PPFIBP2: variants seen among roughly 807,000 people sequenced by gnomAD.
PPFIBP2 encodes liprin-beta-2.
PPFIBP2 carries 118 observed loss-of-function variants against 118.3 expected under a neutral mutation model. That is an observed-to-expected ratio of 1.00 (90% CI 0.86 to 1.16). PPFIBP2 has a LOEUF of 1.16. Ranked by LOEUF, PPFIBP2 falls within the 50% of genes most tolerant of loss-of-function variation. The pLI, the probability that PPFIBP2 is intolerant of heterozygous loss-of-function variation, is 0.00. For synonymous variants in PPFIBP2, 414 were observed against 397.4 expected, an observed-to-expected ratio of 1.04 and a Z score of -0.50; for missense variants, 1,195 against 1,073.1, an observed-to-expected ratio of 1.11 and a Z score of -1.59.
At chr11:7,648,938 A>G in intron 19 of PPFIBP2, 27 bp downstream of exon 19, 1 of 1,580,938 alleles carries the variant, frequency 6.3e-7, no homozygotes, top group Non-Finnish European at 8.7e-7. Flanking sequence ...ATGTATTAAG[A>G]ATGTCTCTGG....
intron 1 of PPFIBP2, among the ~76,000 whole-genome samples, chr11:7,537,338 T>C (rs1477091114): frequency 2.0e-5 from 3 of 152,154 alleles, no homozygotes; most frequent in South Asian, 2.1e-4. Context: ...GACACTTTTT[T>C]TCCCCCCCAC....
intron 1 of PPFIBP2, among the ~76,000 whole-genome samples, chr11:7,544,265 AGT>A (rs1344696446): frequency 1.3e-5 from 2 of 152,176 alleles, no homozygotes; most frequent in African/African-American, 4.8e-5. Flanking sequence ...AGCTATGTTA[AGT>A]GTCCAGAGAG....
chr11:7,522,307 GA>G (rs1460854211), intron 1 of PPFIBP2, among the ~76,000 whole-genome samples: 2 of 152,180 alleles, frequency 1.3e-5, no homozygotes, highest in African/African-American at 4.8e-5. Context: ...TTTGCTGGGA[GA>G]AGAATGAGGC....
chr11:7,518,752 G>A (rs1340958251), intron 1 of PPFIBP2, among the ~76,000 whole-genome samples: 1 of 152,208 alleles, frequency 6.6e-6, no homozygotes, highest in Non-Finnish European at 1.5e-5. Flanking sequence ...AGATCAGTGA[G>A]GGAGAAGGGA....
At chr11:7,596,517 C>T (rs912617533) in intron 4 of PPFIBP2, among the ~76,000 whole-genome samples, 1 of 151,768 alleles carries the variant, frequency 6.6e-6, no homozygotes, top group Non-Finnish European at 1.5e-5. Context: ...TTAAAGTAGG[C>T]ATATTAATTT....
intron 8 of PPFIBP2, among the ~76,000 whole-genome samples, chr11:7,627,124 T>C (rs2135710276): frequency 6.6e-6 from 1 of 152,272 alleles, no homozygotes; most frequent in South Asian, 2.1e-4. Flanking sequence ...CTTCCCACAG[T>C]CTAAGCCTCC....
In PPFIBP2 at chr11:7,549,533, A is replaced by G. The variant is rs1298883559; in HGVS notation, c.58A>G (p.Ile20Val). The G allele has an allele frequency of 1.3e-6, 2 of 1,561,960 alleles. No individual in the cohort carries two copies. Among genetic ancestry groups the G allele is most frequent in the Admixed American group, 1.9e-5 (1 of 52,832 alleles). Reference protein sequence around the residue: ...EAALEQMDGIIAGTKTGADLS... With the variant: ...EAALEQMDGIVAGTKTGADLS... ...TGCCCTGGAGCAAATGGACGGGATC[A>G]TTGCAGGTACGCCCAGGGAACCCCA... Residue 20 changes from isoleucine to valine, a missense_variant, in exon 2 of 24, where the codon ATT (isoleucine) becomes GTT (valine). By Grantham distance (29) the Ile-to-Val change is conservative. Coordinates refer to ENST00000299492, the MANE Select transcript of PPFIBP2 (RefSeq NM_003621.5).
chr11:7,517,080 G>A (rs1266814620), intron 1 of PPFIBP2, among the ~76,000 whole-genome samples: 2 of 152,168 alleles, frequency 1.3e-5, no homozygotes, highest in Non-Finnish European at 2.9e-5. Context: ...AGCATAGTCT[G>A]AATTGTCTGG....
chr11:7,613,616 CA>C (rs1848316206), intron 6 of PPFIBP2, among the ~76,000 whole-genome samples: 1 of 152,150 alleles, frequency 6.6e-6, no homozygotes, highest in African/African-American at 2.4e-5. Context: ...ATACCAAAAT[CA>C]AGAGGATGAA....
At chr11:7,540,337 G>A (rs1851650631) in intron 1 of PPFIBP2, among the ~76,000 whole-genome samples, 1 of 152,198 alleles carries the variant, frequency 6.6e-6, no homozygotes, top group Non-Finnish European at 1.5e-5. Flanking sequence ...GGCAGGTGAA[G>A]ATGAGGGGAC....
intron 3 of PPFIBP2, chr11:7,572,166 T>C (rs1487202374): frequency 2.6e-5 from 4 of 152,252 alleles, no homozygotes; most frequent in Admixed American, 6.5e-5. Context: ...TCCAGACTTC[T>C]TGACTGCAGT....
At chr11:7,535,139 G>A (rs557826960) in intron 1 of PPFIBP2, among the ~76,000 whole-genome samples, 1 of 152,344 alleles carries the variant, frequency 6.6e-6, no homozygotes, top group East Asian at 1.9e-4. Context: ...GAGGAAGTTA[G>A]TATCCTCCCA....
Position 7,548,240 on chromosome 11 carries a change from C to T in PPFIBP2, c.-36-1200C>T, listed in dbSNP as rs117078783. 1,430 of 152,468 alleles carry T rather than the reference C, an allele frequency of 9.4e-3. 6 individuals carry two copies. The highest frequency in any genetic ancestry group is 0.016 in the Non-Finnish European group (1,097 of 68,208). 9.4% of individuals were successfully genotyped at this position (152,468 alleles called of 1,614,324 possible). ...TTAACTATTATTTCCTAGTGCAGTCCGGTGTGGTTCCTTGGTCTTGAGATC... is the reference window on the plus strand; with the variant it reads ...TTAACTATTATTTCCTAGTGCAGTCTGGTGTGGTTCCTTGGTCTTGAGATC... On this transcript the variant is annotated intron_variant, in intron 1 of 23. Transcript: ENST00000299492.
intron 5 of PPFIBP2, among the ~76,000 whole-genome samples, chr11:7,602,433 G>A (rs545429675): frequency 1.3e-5 from 2 of 152,298 alleles, no homozygotes; most frequent in South Asian, 4.1e-4. Context: ...ATTTTCTAAA[G>A]TAGCCACTGT....
intron 3 of PPFIBP2, among the ~76,000 whole-genome samples, chr11:7,569,726 A>G (rs1489981680): frequency 6.6e-6 from 1 of 152,168 alleles, no homozygotes; most frequent in African/African-American, 2.4e-5. Flanking sequence ...GTCCTTTACA[A>G]CTGGAAGACA....
At chr11:7,655,367 C>T (rs1251466454), downstream of PPFIBP2, 4 of 1,196,148 alleles carry the variant, frequency 3.3e-6, no homozygotes, top group Admixed American at 4.6e-5. Flanking sequence ...ACAGGACTTG[C>T]ATGCCATCTC....
intron 13 of PPFIBP2, among the ~76,000 whole-genome samples, chr11:7,635,119 G>A (rs1469972299): frequency 6.6e-6 from 1 of 152,122 alleles, no homozygotes; most frequent in African/African-American, 2.4e-5. Flanking sequence ...TGCTGCAGGG[G>A]ACAGTAGCAG....
chr11:7,525,232 A>C (rs191117058), intron 1 of PPFIBP2, among the ~76,000 whole-genome samples: 9 of 152,274 alleles, frequency 5.9e-5, no homozygotes. Flanking sequence ...ATAGCTCTAC[A>C]CCAATTCGCT....
intron 1 of PPFIBP2, among the ~76,000 whole-genome samples, chr11:7,541,201 A>G (rs1203517406): frequency 6.6e-6 from 1 of 152,264 alleles, no homozygotes. Context: ...CTCTACTTAC[A>G]GGAGGCTGGG....
Sources: allele counts gnomAD v4.1 joint callset (sites outside exome capture counted in the v4.1 genomes callset), GRCh38; gene constraint gnomAD v4.1.1; transcripts MANE v1.5; gene names NCBI Gene and HGNC (gene_info 2026-07-23, HGNC 2026-07-21).